The following AKAP7 variants were observed in gnomAD, a reference collection of about 807,000 sequenced individuals.
AKAP7 encodes the protein A kinase (PRKA) anchor protein 7.
Under a neutral mutation model 39.5 loss-of-function variants are expected in AKAP7, and 39 were observed. That is an observed-to-expected ratio of 0.99 (90% CI 0.76 to 1.29). The LOEUF (loss-of-function observed/expected upper bound fraction) is 1.29. Ranked by LOEUF, AKAP7 falls within the 50% of genes most tolerant of loss-of-function variation. The pLI is 0.00. For missense variants in AKAP7, 414 were observed against 407.7 expected (o/e 1.02, Z -0.13); for synonymous variants, 140 against 139.1 (o/e 1.01, Z -0.05).
chr6:131,187,022 A>G (rs1805933839), intron 5 of AKAP7, among the ~76,000 whole-genome samples: 1 of 152,146 alleles, frequency 6.6e-6, no homozygotes, highest in Non-Finnish European at 1.5e-5. Flanking sequence ...ATTACTGTAG[A>G]TTTGTAGTAA....
chr6:131,204,611 T>A (rs1807915762), intron 6 of AKAP7, among the ~76,000 whole-genome samples: 1 of 152,182 alleles, frequency 6.6e-6, no homozygotes, highest in African/African-American at 2.4e-5. Flanking sequence ...TATATCCCCC[T>A]TGACATGCTG....
At position 131,168,254 on chromosome 6, in the gene AKAP7, A is replaced by T. The variant is rs555843628; in HGVS notation, c.429-859A>T. Among the ~76,000 whole-genome samples, 31 of 151,058 alleles carry T rather than the reference A, an allele frequency of 2.1e-4. No individual in the cohort carries two copies. The South Asian group carries it at 3.1e-3, about 15-fold the overall frequency. ...TAGGGGGACCTCTCTATAAATAATT[A>T]AAAAAAAATAGCCAGGCATGGTGGC... is the stretch of plus-strand genomic sequence containing the variant. On this transcript the variant is annotated intron_variant, in intron 4 of 7. Coordinates refer to ENST00000431975, the MANE Select transcript of AKAP7 (RefSeq NM_016377.4).
chr6:131,170,459 T>A (rs1352563317), intron 5 of AKAP7, among the ~76,000 whole-genome samples: 1 of 152,212 alleles, frequency 6.6e-6, no homozygotes, highest in Non-Finnish European at 1.5e-5. Context: ...CAGTAATGCA[T>A]CCTTTGGCCT....
chr6:131,242,639 C>G (rs1291866468), intron 7 of AKAP7, among the ~76,000 whole-genome samples: 1 of 152,014 alleles, frequency 6.6e-6, no homozygotes, highest in African/African-American at 2.4e-5. Context: ...ATTCTGAGCC[C>G]ATTTTCTTCG....
rs185847951 is a variant in AKAP7, at chr6:131,172,528, A to G, written c.589+3255A>G. Among the ~76,000 whole-genome samples, 31 of 151,890 alleles carry G rather than the reference A, an allele frequency of 2.0e-4. No homozygotes were observed. In the East Asian group the frequency reaches 4.5e-3, roughly 22 times the overall value. ...TTTTTTTAAGAGTTGGAGTCTCACT[A>G]TGTTGCCCAGACTGGTCTTGAACTC... On this transcript the variant is annotated intron_variant, in intron 5 of 7. Transcript: ENST00000431975.
chr6:131,186,868 G>A (rs1805917240), intron 5 of AKAP7, among the ~76,000 whole-genome samples: 1 of 152,134 alleles, frequency 6.6e-6, no homozygotes, highest in African/African-American at 2.4e-5. Flanking sequence ...CTTTACCTTG[G>A]GGATTAGGTC....
intron 2 of AKAP7, among the ~76,000 whole-genome samples, chr6:131,154,910 T>C (rs1228398206): frequency 6.6e-6 from 1 of 152,196 alleles, no homozygotes; most frequent in Non-Finnish European, 1.5e-5. Flanking sequence ...GTAGAAGTTT[T>C]GCTATTCTGG....
At position 131,275,345 on chromosome 6, in the gene AKAP7, C is replaced by T. The variant is rs139407827; in HGVS notation, c.851-6185C>T. Among the ~76,000 whole-genome samples, 1,144 of 152,262 alleles carry T rather than the reference C, an allele frequency of 7.5e-3. 5 individuals are homozygous for T. Among genetic ancestry groups the T allele is most frequent in the Non-Finnish European group, 0.013 (878 of 68,030 alleles). ...CCCCAACTTTGGTTTAGAGAGGTCA[C>T]GGACAAGGTTGTGCAGATAGAAAAT... On this transcript the variant is annotated intron_variant, in intron 7 of 7. Transcript: ENST00000431975.
chr6:131,227,647 A>T (rs1810291075), intron 7 of AKAP7, among the ~76,000 whole-genome samples: 1 of 152,180 alleles, frequency 6.6e-6, no homozygotes, highest in Non-Finnish European at 1.5e-5. Flanking sequence ...AGAAGCAAAG[A>T]TCTCCATTGA....
chr6:131,138,165 A>G (rs1380134170), intron 1 of AKAP7, among the ~76,000 whole-genome samples: 1 of 151,644 alleles, frequency 6.6e-6, no homozygotes, highest in Non-Finnish European at 1.5e-5. Flanking sequence ...CTCTATCTCC[A>G]TGAGTTCAAA....
At chr6:131,241,351 G>A (rs1269874472) in intron 7 of AKAP7, among the ~76,000 whole-genome samples, 1 of 152,028 alleles carries the variant, frequency 6.6e-6, no homozygotes, top group Non-Finnish European at 1.5e-5. Context: ...TTAAGATTTT[G>A]GATAGATTTT....
intron 3 of AKAP7, chr6:131,164,578 C>T (rs1373471268): frequency 2.9e-5 from 10 of 341,800 alleles, no homozygotes; most frequent in Middle Eastern, 5.0e-4. Context: ...TTATTGCTGT[C>T]GTAAAAAATC....
intron 2 of AKAP7, among the ~76,000 whole-genome samples, chr6:131,149,895 T>C (rs921956037): frequency 1.2e-4 from 19 of 152,198 alleles, no homozygotes; most frequent in African/African-American, 4.1e-4. Context: ...AATAGCTTAG[T>C]ATGCTTCCCA....
At chr6:131,250,602 A>G in intron 7 of AKAP7, 1 of 1,614,036 alleles carries the variant, frequency 6.2e-7, no homozygotes, top group Non-Finnish European at 8.5e-7. Context: ...TTCTCAAGAG[A>G]TGAAGGAAAA....
intron 3 of AKAP7, among the ~76,000 whole-genome samples, chr6:131,161,882 A>G (rs1249237117): frequency 6.6e-6 from 1 of 152,120 alleles, no homozygotes; most frequent in Non-Finnish European, 1.5e-5. Flanking sequence ...GCCAGGTCCT[A>G]AGGACACTGA....
At chr6:131,230,657 C>T (rs1223086294) in intron 7 of AKAP7, among the ~76,000 whole-genome samples, 1 of 151,986 alleles carries the variant, frequency 6.6e-6, no homozygotes, top group African/African-American at 2.4e-5. Context: ...AATTCTTTGC[C>T]AAGGCCAATG....
At chr6:131,204,718 C>A (rs945373968) in intron 6 of AKAP7, among the ~76,000 whole-genome samples, 2 of 152,150 alleles carry the variant, frequency 1.3e-5, no homozygotes, top group African/African-American at 4.8e-5. Context: ...TTAGGTGCCC[C>A]ATGACAATGC....
intron 6 of AKAP7, among the ~76,000 whole-genome samples, chr6:131,207,755 T>C (rs934556149): frequency 5.9e-5 from 9 of 152,010 alleles, no homozygotes; most frequent in Admixed American, 3.3e-4. Context: ...GGGCTCTACA[T>C]TTTAAAGAAT....
At chr6:131,175,888 C>T (rs1804523851) in intron 5 of AKAP7, among the ~76,000 whole-genome samples, 1 of 152,182 alleles carries the variant, frequency 6.6e-6, no homozygotes. Flanking sequence ...TTCTCCACAA[C>T]TATCCACTTC....
Sources: allele counts gnomAD v4.1 joint callset (sites outside exome capture counted in the v4.1 genomes callset), GRCh38; gene constraint gnomAD v4.1.1; transcripts MANE v1.5; gene names NCBI Gene and HGNC (gene_info 2026-07-23, HGNC 2026-07-21).